RORA: variants seen among roughly 807,000 people sequenced by gnomAD.
The protein encoded by RORA is RAR related orphan receptor A.
RORA carries 7 observed loss-of-function variants against 69.5 expected under a neutral mutation model. The observed-to-expected ratio is 0.10, with a 90% confidence interval of 0.06 to 0.19. The LOEUF (loss-of-function observed/expected upper bound fraction) is 0.19, where lower values mean the gene tolerates loss of function less well. Among genes scored for constraint, RORA ranks in the 10% least tolerant of loss-of-function variants. The pLI is 1.00. For missense variants in RORA, 457 were observed against 663.0 expected (o/e 0.69, Z 3.41); for synonymous variants, 261 against 240.8 (o/e 1.08, Z -0.78).
chr15:60,886,466 G>T (rs1334888264), intron 1 of RORA, among the ~76,000 whole-genome samples: 1 of 152,102 alleles, frequency 6.6e-6, no homozygotes, highest in Non-Finnish European at 1.5e-5. Context: ...CACATGAAAG[G>T]CCCGAATTCC....
intron 2 of RORA, among the ~76,000 whole-genome samples, chr15:60,661,428 A>G (rs954889736): frequency 7.2e-5 from 11 of 152,200 alleles, no homozygotes; most frequent in Admixed American, 5.2e-4. Context: ...TTATGGTAAT[A>G]CCCAGGGCAG....
At chr15:60,876,310 G>T (rs112003630) in intron 1 of RORA, among the ~76,000 whole-genome samples, 1,814 of 35,572 alleles carry the variant, frequency 0.051, 100 homozygotes, top group African/African-American at 0.17. Context: ...CTTACAGGAA[G>T]TGGGGGGGGG....
At chr15:61,064,070 G>C (rs1171071435) in intron 1 of RORA, among the ~76,000 whole-genome samples, 2 of 152,168 alleles carry the variant, frequency 1.3e-5, no homozygotes, top group East Asian at 3.9e-4. Context: ...TCAACCTCGA[G>C]GGCAGCTGTG....
intron 1 of RORA, among the ~76,000 whole-genome samples, chr15:60,925,272 C>A (rs987475268): frequency 3.9e-5 from 6 of 152,146 alleles, no homozygotes; most frequent in African/African-American, 7.2e-5. Context: ...GGTGCTGGAA[C>A]CTCTCCCAGC....
chr15:60,842,119 T>C (rs2073207109), intron 1 of RORA, among the ~76,000 whole-genome samples: 1 of 152,042 alleles, frequency 6.6e-6, no homozygotes, highest in East Asian at 1.9e-4. Flanking sequence ...CTTTCTAAAG[T>C]TCACGAATTT....
chr15:60,497,888 G>A (rs1482873831), intron 10 of RORA, among the ~76,000 whole-genome samples: 1 of 151,616 alleles, frequency 6.6e-6, no homozygotes, highest in Non-Finnish European at 1.5e-5. Flanking sequence ...GTGAAACCCT[G>A]TCTCTACCTA....
rs917206770 is a variant in RORA, at chr15:60,841,032, A to T, written c.167-162346T>A. ...ACGATACCTTACGGAAGCCAGAGAA[A>T]TTTAGGCATTGAAAGTAAAAACATT... On this transcript the variant is annotated intron_variant, in intron 1 of 10. Coordinates refer to ENST00000335670, the MANE Select transcript of RORA (RefSeq NM_134261.3). 4 of 950,692 alleles carry T rather than the reference A, an allele frequency of 4.2e-6. No homozygotes were observed. In the African/African-American group the frequency reaches 7.1e-5, roughly 17 times the overall value. The allele number at this position is 950,692 out of a possible 1,614,324, so 58.9% of individuals were successfully genotyped here.
At chr15:60,968,168 A>G (rs1893610490) in intron 1 of RORA, among the ~76,000 whole-genome samples, 1 of 152,216 alleles carries the variant, frequency 6.6e-6, no homozygotes, top group African/African-American at 2.4e-5. Context: ...ATCAGGACGT[A>G]AACAGATAAT....
chr15:61,137,220 C>A (rs2079254439), intron 1 of RORA, among the ~76,000 whole-genome samples: 1 of 152,060 alleles, frequency 6.6e-6, no homozygotes, highest in South Asian at 2.1e-4. Context: ...TAAAGTTATC[C>A]TTTGAAGACT....
chr15:60,521,751 C>T (rs2141391488), intron 3 of RORA, among the ~76,000 whole-genome samples: 1 of 152,274 alleles, frequency 6.6e-6, no homozygotes, highest in South Asian at 2.1e-4. Context: ...TTATATGTAT[C>T]TTCTTCATTG....
chr15:61,158,804 G>C (rs12438951), intron 1 of RORA, among the ~76,000 whole-genome samples: 4 of 152,204 alleles, frequency 2.6e-5, no homozygotes, highest in Admixed American at 2.6e-4. Flanking sequence ...TTCCTCTTCA[G>C]GAGTGAGTCA....
chr15:60,872,795 C>T (rs1359137746), intron 1 of RORA, among the ~76,000 whole-genome samples: 1 of 150,898 alleles, frequency 6.6e-6, no homozygotes, highest in African/African-American at 2.4e-5. Flanking sequence ...AGCTCCTTCA[C>T]ATCTGCCCCC....
intron 1 of RORA, among the ~76,000 whole-genome samples, chr15:60,781,156 G>C (rs890248281): frequency 1.3e-5 from 2 of 152,144 alleles, no homozygotes; most frequent in Non-Finnish European, 2.9e-5. Context: ...GTATGCTGAG[G>C]CTGGCTGGTC....
intron 2 of RORA, among the ~76,000 whole-genome samples, chr15:60,571,733 T>A (rs1310412296): frequency 6.6e-6 from 1 of 152,176 alleles, no homozygotes; most frequent in East Asian, 1.9e-4. Context: ...CTCTTGCAGG[T>A]CTAATAGTCT....
In RORA at chr15:61,041,991, T is replaced by C. The variant is rs571307904; in HGVS notation, c.166+187062A>G. On this transcript the variant is annotated intron_variant, in intron 1 of 10. Transcript: ENST00000335670. ...TGCCCAAGGAGTCACAGCTGATACA[T>C]AGCAGAGCTGGGGCTGGAACCTGCG... 9.8e-5 allele frequency among the ~76,000 whole-genome samples: 15 copies of C among 152,292 alleles called. No homozygotes were observed. In the East Asian group the frequency reaches 2.7e-3, roughly 27 times the overall value.
chr15:60,600,475 G>C (rs940078941), intron 2 of RORA, among the ~76,000 whole-genome samples: 6 of 152,186 alleles, frequency 3.9e-5, no homozygotes, highest in Admixed American at 2.0e-4. Context: ...ATTCATCTGG[G>C]CTGACAGTGT....
At chr15:60,856,005 T>C (rs1426187079) in intron 1 of RORA, among the ~76,000 whole-genome samples, 2 of 138,906 alleles carry the variant, frequency 1.4e-5, no homozygotes, top group Non-Finnish European at 3.2e-5. Flanking sequence ...TCATATATAC[T>C]GAATCAGGAA....
chr15:60,652,590 T>G (rs1222943695), intron 2 of RORA, among the ~76,000 whole-genome samples: 1 of 152,186 alleles, frequency 6.6e-6, no homozygotes, highest in Admixed American at 6.6e-5. Flanking sequence ...AAAGCTAAGA[T>G]AAATCTTCTC....
At chr15:60,624,709 C>T (rs900756994) in intron 2 of RORA, among the ~76,000 whole-genome samples, 1 of 151,768 alleles carries the variant, frequency 6.6e-6, no homozygotes, top group Non-Finnish European at 1.5e-5. Context: ...TATTTTCTTC[C>T]TGGTCACCTT....
Sources: gnomAD v4.1 joint callset for allele counts (sites outside exome capture counted in the v4.1 genomes callset) on GRCh38, gnomAD v4.1.1 for gene constraint, MANE v1.5 for transcripts, NCBI Gene and HGNC (gene_info 2026-07-23, HGNC 2026-07-21) for gene names.